Variants in SLC4A10 observed in about 807,000 individuals in gnomAD.
SLC4A10 encodes the protein solute carrier family 4 member 10, also known as sodium-driven chloride bicarbonate exchanger.
In SLC4A10, 42 loss-of-function variants were observed where a neutral mutation model predicts 137.7. The ratio of observed to expected loss-of-function variants is 0.30; its 90% CI spans 0.24 to 0.39. SLC4A10 has a LOEUF of 0.39. Among genes scored for constraint, SLC4A10 ranks in the 10% least tolerant of loss-of-function variants. SLC4A10 has a pLI of 1.00. For synonymous variants in SLC4A10, 474 were observed against 464.1 expected (o/e 1.02, Z -0.27); for missense variants, 925 against 1,355.0 (o/e 0.68, Z 4.98).
Position 161,660,613 on chromosome 2 carries a change from T to TTTCTTCCTTTCCTTCTTTCC in SLC4A10, c.48+36052_48+36053insCCTTTCCTTCTTTCCTTCTT, listed in dbSNP as rs1553479928. Among the ~76,000 whole-genome samples, 649 of 130,100 alleles carry TTTCTTCCTTTCCTTCTTTCC rather than the reference T, an allele frequency of 5.0e-3. 4 individuals carry two copies. The highest frequency in any genetic ancestry group is 9.7e-3 in the African/African-American group (290 of 29,876). The allele number at this position is 130,100 out of a possible 152,430, so 85.4% of individuals were successfully genotyped here. A position where few individuals can be genotyped will look rare whatever the true frequency, so the allele number is the denominator to read the frequency against. ...CTTTCTTTCTTTCTTTCTTTCTTTCTTTCTTTCTTTCTTCCTTTCCTTCTT... is the reference window on the plus strand; with the variant it reads ...CTTTCTTTCTTTCTTTCTTTCTTTCTTTCTTCCTTTCCTTCTTTCCTTCTTTCTTTCTTCCTTTCCTTCTT... On this transcript the variant is annotated intron_variant, in intron 1 of 26. Coordinates refer to ENST00000446997, the MANE Select transcript of SLC4A10 (RefSeq NM_001178015.2).
chr2:161,798,520 T>G (rs891183136), intron 2 of SLC4A10, among the ~76,000 whole-genome samples: 1 of 151,914 alleles, frequency 6.6e-6, no homozygotes, highest in South Asian at 2.1e-4. Flanking sequence ...ATTTCAATAC[T>G]GATCCTTATT....
At chr2:161,814,375 C>G (rs1211847272) in intron 3 of SLC4A10, among the ~76,000 whole-genome samples, 1 of 152,046 alleles carries the variant, frequency 6.6e-6, no homozygotes, top group Non-Finnish European at 1.5e-5. Context: ...TTGGAGATTT[C>G]TCGAAGAACT....
chr2:161,860,223 A>G (rs1304719713), intron 5 of SLC4A10, among the ~76,000 whole-genome samples: 1 of 152,224 alleles, frequency 6.6e-6, no homozygotes, highest in Non-Finnish European at 1.5e-5. Context: ...TAACTAATGA[A>G]CAGATGAGTG....
chr2:161,929,454 T>C (rs1041217000), intron 15 of SLC4A10, among the ~76,000 whole-genome samples: 1 of 152,214 alleles, frequency 6.6e-6, no homozygotes, highest in African/African-American at 2.4e-5. Flanking sequence ...CTTAAACACG[T>C]GTTGTAATTC....
intron 1 of SLC4A10, among the ~76,000 whole-genome samples, chr2:161,750,809 G>C (rs1355391772): frequency 6.6e-6 from 1 of 151,694 alleles, no homozygotes; most frequent in Non-Finnish European, 1.5e-5. Context: ...TGAAGGTGGG[G>C]TGTTGAAGTT....
chr2:161,704,781 G>A (rs898894134), intron 1 of SLC4A10, among the ~76,000 whole-genome samples: 3 of 151,502 alleles, frequency 2.0e-5, no homozygotes, highest in African/African-American at 7.3e-5. Context: ...CACTTTTGGT[G>A]TTCCATAATT....
At chr2:161,702,437 G>T (rs1414243179) in intron 1 of SLC4A10, among the ~76,000 whole-genome samples, 1 of 151,736 alleles carries the variant, frequency 6.6e-6, no homozygotes, top group African/African-American at 2.4e-5. Flanking sequence ...CATTTACTTA[G>T]CACTGGAATA....
intron 1 of SLC4A10, among the ~76,000 whole-genome samples, chr2:161,744,246 T>C (rs896732710): frequency 6.6e-5 from 10 of 152,176 alleles, no homozygotes; most frequent in African/African-American, 2.4e-4. Context: ...CCCCATGTAG[T>C]ATGATACTAG....
At chr2:161,769,729 C>T (rs940595031) in intron 1 of SLC4A10, among the ~76,000 whole-genome samples, 9 of 151,816 alleles carry the variant, frequency 5.9e-5, no homozygotes, top group Middle Eastern at 3.4e-3. Context: ...TCTTCATGTG[C>T]GCTATTTATA....
In SLC4A10 at chr2:161,964,162, A is replaced by G. The variant is rs1697193144; in HGVS notation, c.2890A>G (p.Met964Val). 6.2e-7 allele frequency: 1 copy of G among 1,611,120 alleles called. No homozygotes were observed. Among genetic ancestry groups the G allele is most frequent in the Admixed American group, 1.7e-5 (1 of 59,626 alleles). Residue 964 changes from methionine to valine, a missense_variant, in exon 22 of 27, where the codon ATG becomes GTG. Transcript: ENST00000446997. ...QFFDRIKLFW[M>V]PAKHQPDFIY... is the part of the protein sequence containing the mutation. ...CTTTGATAGGATAAAGCTCTTCTGGATGCCGGCAAAACATCAACCAGATTT... is the reference window on the plus strand; with the variant it reads ...CTTTGATAGGATAAAGCTCTTCTGGGTGCCGGCAAAACATCAACCAGATTT...
chr2:161,773,693 G>A (rs2051954820), intron 2 of SLC4A10, among the ~76,000 whole-genome samples: 1 of 151,694 alleles, frequency 6.6e-6, no homozygotes, highest in Non-Finnish European at 1.5e-5. Context: ...TATTTAATGG[G>A]AAATGATCCC....
chr2:161,883,035 A>G lies in SLC4A10; in HGVS notation c.1194+591A>G, dbSNP rs1276654479. Among the ~76,000 whole-genome samples the G allele has an allele frequency of 2.0e-5, 3 of 152,118 alleles. No individual in the cohort carries two copies. The East Asian group carries it at 5.8e-4, about 29-fold the overall frequency. On this transcript the variant is annotated intron_variant, in intron 10 of 26. Transcript: ENST00000446997. The stretch of plus-strand genomic sequence containing the variant: ...GGAAAAAGCTTTCATCAGCTCTTCA[A>G]AGAAGTGTATGTCTCAAAAATATAA...
intron 6 of SLC4A10, among the ~76,000 whole-genome samples, chr2:161,869,766 A>T (rs966471106): frequency 2.0e-5 from 3 of 151,650 alleles, no homozygotes; most frequent in African/African-American, 7.2e-5. Context: ...ACTTCGCAGG[A>T]CTTTTGATGT....
At chr2:161,822,097 T>C (rs1196206659) in intron 3 of SLC4A10, among the ~76,000 whole-genome samples, 2 of 152,196 alleles carry the variant, frequency 1.3e-5, no homozygotes, top group Admixed American at 1.3e-4. Context: ...TATAACCACA[T>C]GTTTACTTAC....
intron 1 of SLC4A10, among the ~76,000 whole-genome samples, chr2:161,734,607 A>AT (rs1294765909): frequency 1.3e-5 from 2 of 152,096 alleles, no homozygotes; most frequent in African/African-American, 2.4e-5. Flanking sequence ...AGTTTTATCT[A>AT]TTTTTTATTT....
rs533553076 is a variant in SLC4A10, at chr2:161,658,122, A to T, written c.48+33556A>T. ...GTTAACTAACTTGTTAATTTAGGAG[A>T]TAGTCAGTCTTTTCAACATATGCTT... On this transcript the variant is annotated intron_variant, in intron 1 of 26. Coordinates refer to ENST00000446997, the MANE Select transcript of SLC4A10 (RefSeq NM_001178015.2). Among the ~76,000 whole-genome samples, 3 of 152,166 alleles carry T rather than the reference A, an allele frequency of 2.0e-5. No homozygotes were observed. The South Asian group carries it at 6.2e-4, about 32-fold the overall frequency.
intron 4 of SLC4A10, among the ~76,000 whole-genome samples, chr2:161,849,688 T>C (rs558038221): frequency 6.6e-6 from 1 of 152,320 alleles, no homozygotes; most frequent in South Asian, 2.1e-4. Context: ...GTTCTGTTTA[T>C]GTAATAAATA....
intron 1 of SLC4A10, among the ~76,000 whole-genome samples, chr2:161,719,051 C>T (rs1013403126): frequency 6.6e-6 from 1 of 152,066 alleles, no homozygotes. Context: ...TATCCTTCCC[C>T]CCTCCCCTCA....
chr2:161,984,178 T>C lies in SLC4A10; in HGVS notation c.*1026T>C, dbSNP rs1162855445. On this transcript the variant is annotated 3_prime_UTR_variant, in exon 27 of 27. Transcript: ENST00000446997. ...TGTTAGACCAACAGCTCTCCAATTG[T>C]CATTTTTTTTCTGCAGAGTTTTTTT... The C allele has an allele frequency of 6.6e-6, 1 of 152,148 alleles. No individual in the cohort carries two copies. Among genetic ancestry groups the C allele is most frequent in the East Asian group, 1.9e-4 (1 of 5,200 alleles). 9.4% of individuals were successfully genotyped at this position (152,148 alleles called of 1,614,324 possible). A position where few individuals can be genotyped will look rare whatever the true frequency, so the allele number is the denominator to read the frequency against.
Sources: gnomAD v4.1 joint callset for allele counts (sites outside exome capture counted in the v4.1 genomes callset) on GRCh38, gnomAD v4.1.1 for gene constraint, MANE v1.5 for transcripts, NCBI Gene and HGNC (gene_info 2026-07-23, HGNC 2026-07-21) for gene names.